KSR1: variants seen among roughly 807,000 people sequenced by gnomAD.
KSR1 encodes the protein kinase suppressor of ras.
In KSR1, 35 loss-of-function variants were observed where a neutral mutation model predicts 92.9. The observed-to-expected ratio is 0.38, with a 90% confidence interval of 0.29 to 0.50. The LOEUF (loss-of-function observed/expected upper bound fraction) is 0.50. Among genes scored for constraint, KSR1 ranks in the 20% least tolerant of loss-of-function variants. The pLI is 0.94. For synonymous variants in KSR1, 467 were observed against 472.6 expected, an observed-to-expected ratio of 0.99 and a Z score of 0.15; for missense variants, 972 against 1,158.5, an observed-to-expected ratio of 0.84 and a Z score of 2.34.
At chr17:27,517,835 T>A (rs2069863105) in intron 1 of KSR1, among the ~76,000 whole-genome samples, 1 of 152,190 alleles carries the variant, frequency 6.6e-6, no homozygotes, top group Non-Finnish European at 1.5e-5. Flanking sequence ...CCCTATGTTA[T>A]GTAATTGTGG....
chr17:27,606,639 C>G (rs2073762326), intron 14 of KSR1, among the ~76,000 whole-genome samples: 1 of 152,008 alleles, frequency 6.6e-6, no homozygotes, highest in Admixed American at 6.5e-5. Flanking sequence ...TTTATAACAT[C>G]CATCACTTCC....
intron 1 of KSR1, among the ~76,000 whole-genome samples, chr17:27,535,587 A>G (rs1278148053): frequency 6.6e-6 from 1 of 152,192 alleles, no homozygotes; most frequent in Admixed American, 6.5e-5. Flanking sequence ...CAGATCAACA[A>G]TCGTGATCCT....
At chr17:27,485,007 C>T (rs1807360730) in intron 1 of KSR1, among the ~76,000 whole-genome samples, 1 of 152,182 alleles carries the variant, frequency 6.6e-6, no homozygotes. Flanking sequence ...GGAGACATCC[C>T]AGAGAGGTTA....
At chr17:27,597,558 G>A (rs2073390857) in intron 10 of KSR1, 122 bp downstream of exon 10, 2 of 1,072,170 alleles carry the variant, frequency 1.9e-6, no homozygotes, top group Admixed American at 2.9e-5. Flanking sequence ...TGTTTATGAA[G>A]TACTTGTCCG....
intron 1 of KSR1, among the ~76,000 whole-genome samples, chr17:27,538,541 G>C (rs1482972190): frequency 2.6e-5 from 4 of 152,188 alleles, no homozygotes; most frequent in Admixed American, 6.5e-5. Context: ...CATCATGATG[G>C]CTGTGCAGGG....
intron 2 of KSR1, among the ~76,000 whole-genome samples, chr17:27,571,775 C>T (rs1270929759): frequency 6.6e-6 from 1 of 152,218 alleles, no homozygotes; most frequent in African/African-American, 2.4e-5. Flanking sequence ...CGTGTTCTTG[C>T]GTGAAGTGCA....
intron 2 of KSR1, among the ~76,000 whole-genome samples, chr17:27,565,104 G>A (rs955016296): frequency 2.6e-5 from 4 of 152,172 alleles, no homozygotes; most frequent in African/African-American, 9.7e-5. Flanking sequence ...TTTTCAAAGT[G>A]TGTAAAGTAT....
At chr17:27,476,170 C>T (rs920344205) in intron 1 of KSR1, among the ~76,000 whole-genome samples, 1 of 152,194 alleles carries the variant, frequency 6.6e-6, no homozygotes, top group Admixed American at 6.5e-5. Context: ...GGACCATGCT[C>T]AGTGAGCGAT....
intron 1 of KSR1, among the ~76,000 whole-genome samples, chr17:27,501,292 C>T (rs140635027): frequency 0.016 from 777 of 49,480 alleles, no homozygotes; most frequent in Middle Eastern, 0.026. Flanking sequence ...TTCTTTTCTT[C>T]TTTTTTTTTT....
intron 1 of KSR1, among the ~76,000 whole-genome samples, chr17:27,493,084 G>T (rs928802484): frequency 2.0e-5 from 3 of 152,196 alleles, no homozygotes; most frequent in Non-Finnish European, 4.4e-5. Flanking sequence ...TCATCATTCT[G>T]CTGATGATGA....
chr17:27,467,530 A>G (rs2019754909), intron 1 of KSR1, among the ~76,000 whole-genome samples: 1 of 152,210 alleles, frequency 6.6e-6, no homozygotes, highest in Non-Finnish European at 1.5e-5. Flanking sequence ...TGTTCCTAAG[A>G]GATAGACATT....
chr17:27,468,242 T>A (rs1201389197), intron 1 of KSR1, among the ~76,000 whole-genome samples: 4 of 152,034 alleles, frequency 2.6e-5, no homozygotes, highest in Non-Finnish European at 4.4e-5. Context: ...CCAATTATTT[T>A]TTTTTTTTTC....
rs542426741 is a variant in KSR1, at chr17:27,597,568, G to T, written c.1468+132G>T. The T allele has an allele frequency of 1.1e-4, 104 of 966,384 alleles. 1 individual carries two copies. The African/African-American group carries it at 1.5e-3, about 14-fold the overall frequency. 59.9% of individuals were successfully genotyped at this position (966,384 alleles called of 1,614,324 possible). On this transcript the variant is annotated intron_variant, in intron 10 of 20. Transcript: ENST00000644974. ...GCTGATGTTTATGAAGTACTTGTCC[G>T]GCGCCCCAAGCACAATAGCTCTGAG...
intron 11 of KSR1, 73 bp downstream of exon 11, chr17:27,601,474 G>A (rs987007303): frequency 1.9e-5 from 25 of 1,292,790 alleles, no homozygotes; most frequent in East Asian, 9.3e-5. Context: ...TGGGCAGGGC[G>A]CCCTCTCTCT....
Position 27,577,048 on chromosome 17 carries a change from G to GTT in KSR1, c.373-433_373-432dup, listed in dbSNP as rs11375064. 4.6e-3 allele frequency among the ~76,000 whole-genome samples: 671 copies of GTT among 147,190 alleles called. 4 individuals carry two copies. Among genetic ancestry groups the GTT allele is most frequent in the African/African-American group, 0.014 (552 of 40,148 alleles). ...CTGCAGTGTTTGGTGAGGTTTTTTTGTTTTTTTTTTTTAAATCCTTCCTTT... is the reference window on the plus strand; with the variant it reads ...CTGCAGTGTTTGGTGAGGTTTTTTTGTTTTTTTTTTTTTTAAATCCTTCCTTT... On this transcript the variant is annotated intron_variant, in intron 2 of 20. Transcript: ENST00000644974. This position sits in a 1 kb window ranked among gnomAD's most constrained non-coding sequence, Gnocchi z 4.5.
chr17:27,607,448 C>T, intron 14 of KSR1, among the ~76,000 whole-genome samples: 1 of 152,122 alleles, frequency 6.6e-6, no homozygotes, highest in East Asian at 1.9e-4. Context: ...CCTTTCCCTC[C>T]TTGCACACTC....
At chr17:27,568,226 C>T (rs566432500) in intron 2 of KSR1, among the ~76,000 whole-genome samples, 11 of 152,242 alleles carry the variant, frequency 7.2e-5, no homozygotes, top group African/African-American at 2.7e-4. Flanking sequence ...TGTTCCTAGG[C>T]GGAGGAGCCT....
intron 1 of KSR1, among the ~76,000 whole-genome samples, chr17:27,491,455 G>T (rs2068829559): frequency 6.6e-6 from 1 of 151,940 alleles, no homozygotes; most frequent in Non-Finnish European, 1.5e-5. Flanking sequence ...CTCCCAAAGT[G>T]CTGGGATTAC....
At chr17:27,479,236 C>G (rs1156990660) in intron 1 of KSR1, among the ~76,000 whole-genome samples, 1 of 151,746 alleles carries the variant, frequency 6.6e-6, no homozygotes, top group South Asian at 2.1e-4. Context: ...CCATGCTCTT[C>G]CCTCCGTCTG....
Sources: allele counts gnomAD v4.1 joint callset (sites outside exome capture counted in the v4.1 genomes callset), GRCh38; gene constraint gnomAD v4.1.1; non-coding constraint Gnocchi (gnomAD v3.1); transcripts MANE v1.5; gene names NCBI Gene and HGNC (gene_info 2026-07-23, HGNC 2026-07-21).